NID1: variants seen among roughly 807,000 people sequenced by gnomAD.
The protein encoded by NID1 is nidogen-1.
Under a neutral mutation model 130.6 loss-of-function variants are expected in NID1, and 76 were observed. That is an observed-to-expected ratio of 0.58 (90% CI 0.48 to 0.70). The LOEUF is 0.70. Ranked by LOEUF, NID1 falls within the 30% of genes least tolerant of loss-of-function variation. NID1 has a pLI of 0.00. For missense variants in NID1, 1,517 were observed against 1,664.8 expected, an observed-to-expected ratio of 0.91 and a Z score of 1.54; for synonymous variants, 665 against 675.1, an observed-to-expected ratio of 0.98 and a Z score of 0.23.
At chr1:236,004,884 A>T (rs1658202801) in intron 12 of NID1, among the ~76,000 whole-genome samples, 1 of 151,720 alleles carries the variant, frequency 6.6e-6, no homozygotes, top group African/African-American at 2.4e-5. Context: ...ATCAAACTTA[A>T]GCAGGATGGA....
At chr1:236,003,516 C>A (rs1449544990) in intron 12 of NID1, among the ~76,000 whole-genome samples, 1 of 152,108 alleles carries the variant, frequency 6.6e-6, no homozygotes, top group Admixed American at 6.6e-5. Context: ...TCCTGGATAC[C>A]AAATGAAGAA....
intron 1 of NID1, among the ~76,000 whole-genome samples, chr1:236,055,086 C>T (rs756512110): frequency 2.1e-4 from 32 of 152,024 alleles, no homozygotes; most frequent in Non-Finnish European, 4.3e-4. Flanking sequence ...GGGTGGATCA[C>T]GAGGTCAGGA....
At chr1:236,039,925 G>A (rs1261851297) in intron 4 of NID1, among the ~76,000 whole-genome samples, 1 of 152,196 alleles carries the variant, frequency 6.6e-6, no homozygotes, top group Non-Finnish European at 1.5e-5. Flanking sequence ...CACCAGGAAT[G>A]CACTACTGGC....
At position 236,041,934 on chromosome 1, in the gene NID1, C is replaced by T. The variant is rs373763690; in HGVS notation, c.1111G>A (p.Asp371Asn). ...CCAACTCCTGTTTCCTCAACTTCAT[C>T]CACATCTATGACCTGAGGGTGCTGC... ...HQQHPQVIDVDEVEETGVVFS... is the reference protein window; with the variant it reads ...HQQHPQVIDVNEVEETGVVFS... The change falls in exon 4 of 20, where the codon GAT becomes AAT. Residue 371 changes from aspartate (D) to asparagine (N), a missense_variant. Around this residue, in one of 3 missense-constraint regions of NID1, gnomAD observed 1,329 missense variants for 1,429.2 expected, o/e 0.93. Coordinates refer to ENST00000264187, the MANE Select transcript of NID1 (RefSeq NM_002508.3). The T allele has an allele frequency of 1.2e-6, 2 of 1,609,842 alleles. No homozygotes were observed. Among genetic ancestry groups the T allele is most frequent in the African/African-American group, 1.3e-5 (1 of 74,848 alleles).
intron 14 of NID1, among the ~76,000 whole-genome samples, chr1:235,990,539 C>T (rs564075766): frequency 1.3e-5 from 2 of 152,310 alleles, no homozygotes; most frequent in East Asian, 3.9e-4. Context: ...AATTGCCCAA[C>T]CTCTATCTAA....
chr1:235,990,629 G>A (rs1483979893), intron 14 of NID1, among the ~76,000 whole-genome samples: 7 of 152,186 alleles, frequency 4.6e-5, no homozygotes, highest in Admixed American at 2.6e-4. Flanking sequence ...TTGTTGCTAC[G>A]TCAGAGCAGA....
chr1:236,031,937 A>G (rs1028205334), intron 6 of NID1, among the ~76,000 whole-genome samples: 1 of 152,236 alleles, frequency 6.6e-6, no homozygotes, highest in Non-Finnish European at 1.5e-5. Context: ...CTAGCTAGAA[A>G]TGGCAGGTTC....
intron 14 of NID1, among the ~76,000 whole-genome samples, chr1:235,986,020 C>G (rs557191562): frequency 6.6e-6 from 1 of 152,286 alleles, no homozygotes; most frequent in South Asian, 2.1e-4. Context: ...CTCAGCCTCC[C>G]AAAGTGCTGG....
At chr1:236,004,944 G>A (rs1250647114) in intron 12 of NID1, among the ~76,000 whole-genome samples, 1 of 151,830 alleles carries the variant, frequency 6.6e-6, no homozygotes, top group Non-Finnish European at 1.5e-5. Flanking sequence ...GGGAGGCTGA[G>A]GTGGGCAAAT....
intron 12 of NID1, among the ~76,000 whole-genome samples, chr1:235,997,996 T>C (rs1657975647): frequency 6.6e-6 from 1 of 152,144 alleles, no homozygotes; most frequent in Non-Finnish European, 1.5e-5. Context: ...GGGATGGCAG[T>C]AATAACAGAT....
At position 236,018,490 on chromosome 1, in the gene NID1, G is replaced by T. The variant is rs371902431; in HGVS notation, c.2129-1217C>A. On this transcript the variant is annotated intron_variant, in intron 9 of 19. Transcript: ENST00000264187. ...CCCCTCAGATGGCCGCCAGGCTTTG[G>T]GGGCCAGGCTGTGGCTACCACTTGT... is the stretch of plus-strand genomic sequence containing the variant. 3.3e-5 allele frequency among the ~76,000 whole-genome samples: 5 copies of T among 152,350 alleles called. No individual in the cohort carries two copies. The East Asian group carries it at 5.8e-4, about 18-fold the overall frequency.
chr1:235,985,669 T>C (rs1455690220), intron 14 of NID1, among the ~76,000 whole-genome samples, 164 bp from the exon 15 acceptor site: 1 of 152,176 alleles, frequency 6.6e-6, no homozygotes, highest in Non-Finnish European at 1.5e-5. Flanking sequence ...GTTCGTATAT[T>C]TCAGAAAAAA....
intron 3 of NID1, 144 bp from the exon 4 acceptor site, chr1:236,042,436 C>A: frequency 1.8e-6 from 2 of 1,082,536 alleles, no homozygotes; most frequent in Non-Finnish European, 2.6e-6. Context: ...GGGCACTGGC[C>A]GTCATGTCTG....
rs1658616988 is a variant in NID1 at position 236,017,136 on chromosome 1, T to A, written c.2254+12A>T. Reference sequence around the variant, plus strand: ...GTGAATACTGTTTCGAAAAGTTACCTGGAGAACTTACCCACACACGTTCCC... The same window carrying A: ...GTGAATACTGTTTCGAAAAGTTACCAGGAGAACTTACCCACACACGTTCCC... On this transcript the variant is annotated intron_variant, in intron 10 of 19. Transcript: ENST00000264187. The A allele has an allele frequency of 6.2e-7, 1 of 1,613,940 alleles. No homozygotes were observed. The highest frequency in any genetic ancestry group is 1.3e-5 in the African/African-American group (1 of 74,938).
chr1:236,014,539 T>C (rs544048601), intron 10 of NID1, among the ~76,000 whole-genome samples: 3 of 152,226 alleles, frequency 2.0e-5, no homozygotes, highest in African/African-American at 7.2e-5. Context: ...AGATGGGGCA[T>C]TATCAGCTAG....
Position 235,976,451 on chromosome 1 carries a change from T to C in NID1, c.*1416A>G, listed in dbSNP as rs1405479109. 6.6e-6 allele frequency: 1 copy of C among 152,220 alleles called. No homozygotes were observed. The highest frequency in any genetic ancestry group is 1.5e-5 in the Non-Finnish European group (1 of 68,036). The allele number at this position is 152,220 out of a possible 1,614,324, so 9.4% of individuals were successfully genotyped here. On this transcript the variant is annotated 3_prime_UTR_variant, in exon 20 of 20. Coordinates refer to ENST00000264187, the MANE Select transcript of NID1 (RefSeq NM_002508.3). Reference sequence around the variant, plus strand: ...AATTCCTTCCCCTACCACTTCCTCTTGGGCTTTTTTATTTCTCTTGTTGAT... The same window carrying C: ...AATTCCTTCCCCTACCACTTCCTCTCGGGCTTTTTTATTTCTCTTGTTGAT...
intron 2 of NID1, 34 bp downstream of exon 2, chr1:236,048,656 G>A: frequency 1.3e-6 from 2 of 1,597,940 alleles, no homozygotes; most frequent in Non-Finnish European, 1.7e-6. Flanking sequence ...CAATGTGTCT[G>A]ATTACCTGCA....
intron 1 of NID1, among the ~76,000 whole-genome samples, chr1:236,049,582 T>A (rs924634427): frequency 1.3e-5 from 2 of 152,160 alleles, no homozygotes; most frequent in African/African-American, 4.8e-5. Context: ...CACAAAGAGA[T>A]GATGACACAA....
chr1:236,052,448 CA>C (rs1302109820), intron 1 of NID1, among the ~76,000 whole-genome samples: 1 of 152,198 alleles, frequency 6.6e-6, no homozygotes, highest in Non-Finnish European at 1.5e-5. Flanking sequence ...AGGCCATCAC[CA>C]ATATTCGCTC....
Sources: allele counts gnomAD v4.1 joint callset (sites outside exome capture counted in the v4.1 genomes callset), GRCh38; gene constraint gnomAD v4.1.1; regional missense constraint gnomAD v4.1.1; transcripts MANE v1.5; gene names NCBI Gene and HGNC (gene_info 2026-07-23, HGNC 2026-07-21).